SLC14A2: variants seen among roughly 807,000 people sequenced by gnomAD.
The protein encoded by SLC14A2 is solute carrier family 14 member 2.
Under a neutral mutation model 104.6 loss-of-function variants are expected in SLC14A2, and 91 were observed. That is an observed-to-expected ratio of 0.87 (90% confidence interval 0.73 to 1.04). The LOEUF (loss-of-function observed/expected upper bound fraction) is 1.04, where lower values mean the gene tolerates loss of function less well. Ranked by LOEUF, SLC14A2 falls within the 50% of genes least tolerant of loss-of-function variation. The pLI, the probability that SLC14A2 is intolerant of heterozygous loss-of-function variation, is 0.00. For missense variants in SLC14A2, 1,189 were observed against 1,156.0 expected, an observed-to-expected ratio of 1.03 and a Z score of -0.41; for synonymous variants, 476 against 466.4, an observed-to-expected ratio of 1.02 and a Z score of -0.27.
chr18:45,538,637 CCA>C (rs889181344), intron 2 of SLC14A2, among the ~76,000 whole-genome samples: 2 of 152,146 alleles, frequency 1.3e-5, no homozygotes, highest in Admixed American at 6.5e-5. Context: ...AAGACAGAAG[CCA>C]CAGTCTTTTT....
chr18:45,583,126 T>G (rs1319910429), intron 2 of SLC14A2, among the ~76,000 whole-genome samples: 2 of 152,196 alleles, frequency 1.3e-5, no homozygotes, highest in African/African-American at 2.4e-5. Flanking sequence ...TGTGTGTGAC[T>G]TTTCAGCATG....
chr18:45,204,570 A>G, the SLC14A2 span, among the ~76,000 whole-genome samples: 50 of 152,150 alleles, frequency 3.3e-4, no homozygotes, highest in Non-Finnish European at 6.9e-4. Flanking sequence ...TATAAATAAC[A>G]CTCTCAAGAG....
At chr18:45,290,560 C>T (rs1013917578) in intron 1 of SLC14A2, among the ~76,000 whole-genome samples, 1 of 152,124 alleles carries the variant, frequency 6.6e-6, no homozygotes, top group Admixed American at 6.6e-5. Flanking sequence ...CTGTGCTGTT[C>T]AACACAGTAG....
At chr18:45,526,304 C>T (rs866114324) in intron 2 of SLC14A2, among the ~76,000 whole-genome samples, 4 of 152,150 alleles carry the variant, frequency 2.6e-5, no homozygotes, top group African/African-American at 4.8e-5. Context: ...TTGTGTGATA[C>T]GGCCAGAAGT....
At chr18:45,304,490 G>A (rs2144198888) in intron 1 of SLC14A2, among the ~76,000 whole-genome samples, 1 of 152,314 alleles carries the variant, frequency 6.6e-6, no homozygotes, top group Non-Finnish European at 1.5e-5. Flanking sequence ...ATGCTGAAAT[G>A]AGATATTTTG....
intron 2 of SLC14A2, among the ~76,000 whole-genome samples, chr18:45,587,384 G>A (rs1249618949): frequency 6.6e-6 from 1 of 152,166 alleles, no homozygotes; most frequent in African/African-American, 2.4e-5. Context: ...ATCAACACCA[G>A]GGTTGAGAAC....
chr18:45,218,433 T>C (rs2084030369), intron 1 of SLC14A2, among the ~76,000 whole-genome samples: 1 of 152,226 alleles, frequency 6.6e-6, no homozygotes, highest in South Asian at 2.1e-4. Flanking sequence ...GAAGATAAAA[T>C]GCTTGTTACT....
At chr18:45,522,649 A>G (rs2043532793) in intron 2 of SLC14A2, among the ~76,000 whole-genome samples, 1 of 152,152 alleles carries the variant, frequency 6.6e-6, no homozygotes, top group Admixed American at 6.5e-5. Context: ...TTCTTCAGGA[A>G]ATTCCATTCA....
intron 1 of SLC14A2, among the ~76,000 whole-genome samples, chr18:45,444,728 A>G (rs2086735730): frequency 6.6e-6 from 1 of 152,314 alleles, no homozygotes; most frequent in Middle Eastern, 3.4e-3. Flanking sequence ...AAATCATGCC[A>G]TCATCTCTTT....
chr18:45,442,754 A>G (rs531658548), intron 1 of SLC14A2, among the ~76,000 whole-genome samples: 4 of 152,330 alleles, frequency 2.6e-5, no homozygotes, highest in Admixed American at 2.6e-4. Flanking sequence ...CTTAATTACA[A>G]ATTAAGTGTT....
intron 1 of SLC14A2, among the ~76,000 whole-genome samples, chr18:45,315,905 G>C (rs1599668815): frequency 6.6e-6 from 1 of 152,240 alleles, no homozygotes; most frequent in Admixed American, 6.5e-5. Context: ...CCTTTTGAAT[G>C]AGATGTTACC....
intron 1 of SLC14A2, among the ~76,000 whole-genome samples, chr18:45,413,757 C>T (rs548489669): frequency 2.0e-5 from 3 of 152,274 alleles, no homozygotes; most frequent in Middle Eastern, 6.8e-3. Flanking sequence ...GTTTGGATCC[C>T]ATTTCTACTA....
chr18:45,394,426 T>C (rs956327133), intron 1 of SLC14A2, among the ~76,000 whole-genome samples: 4 of 152,206 alleles, frequency 2.6e-5, no homozygotes, highest in Non-Finnish European at 5.9e-5. Flanking sequence ...TAAATATATA[T>C]GAAATTTGTA....
intron 1 of SLC14A2, among the ~76,000 whole-genome samples, chr18:45,455,715 C>A (rs1283311789): frequency 6.6e-6 from 1 of 151,824 alleles, no homozygotes; most frequent in Non-Finnish European, 1.5e-5. Context: ...GACATTGGGA[C>A]TAGAGTAATG....
chr18:45,424,008 C>T (rs2086386207), intron 1 of SLC14A2: 1 of 152,164 alleles, frequency 6.6e-6, no homozygotes, highest in Non-Finnish European at 1.5e-5. Flanking sequence ...AGAGGCTTCT[C>T]CCACTGTATT....
At chr18:45,200,449 A>C in the SLC14A2 span, among the ~76,000 whole-genome samples, 1 of 152,192 alleles carries the variant, frequency 6.6e-6, no homozygotes, top group Non-Finnish European at 1.5e-5. Flanking sequence ...TTTTGAAATA[A>C]AGTTTAGTCT....
At chr18:45,387,086 T>A (rs1361933515) in intron 1 of SLC14A2, among the ~76,000 whole-genome samples, 1 of 152,212 alleles carries the variant, frequency 6.6e-6, no homozygotes, top group Non-Finnish European at 1.5e-5. Context: ...TTGCTACTAC[T>A]TCCATTGGGC....
At chr18:45,527,125 A>T (rs1165541078) in intron 2 of SLC14A2, among the ~76,000 whole-genome samples, 2 of 152,244 alleles carry the variant, frequency 1.3e-5, no homozygotes, top group Non-Finnish European at 2.9e-5. Flanking sequence ...AAGATCTTCC[A>T]GTATCTGTTC....
At chr18:45,595,189 T>C (rs572419732) in intron 2 of SLC14A2, among the ~76,000 whole-genome samples, 2 of 152,234 alleles carry the variant, frequency 1.3e-5, no homozygotes, top group South Asian at 4.2e-4. Flanking sequence ...CCTTTCTGTG[T>C]GTTTGCATAC....
Sources: allele counts gnomAD v4.1 joint callset (sites outside exome capture counted in the v4.1 genomes callset), GRCh38; gene constraint gnomAD v4.1.1; transcripts MANE v1.5; gene names NCBI Gene and HGNC (gene_info 2026-07-23, HGNC 2026-07-21).